Variants in SAMD3 observed in about 807,000 individuals in gnomAD.
The protein encoded by SAMD3 is sterile alpha motif domain containing 3.
SAMD3 carries 63 observed loss-of-function variants against 58.5 expected under a neutral mutation model. The ratio of observed to expected loss-of-function variants is 1.08; its 90% CI spans 0.88 to 1.33. The LOEUF is 1.33. Ranked by LOEUF, SAMD3 falls within the 40% of genes most tolerant of loss-of-function variation. The pLI is 0.00. For missense variants in SAMD3, 604 were observed against 608.4 expected, an observed-to-expected ratio of 0.99 and a Z score of 0.08; for synonymous variants, 220 against 210.3, an observed-to-expected ratio of 1.05 and a Z score of -0.40.
intron 7 of SAMD3, among the ~76,000 whole-genome samples, chr6:130,176,353 C>T (rs1270829903): frequency 2.0e-5 from 3 of 152,218 alleles, no homozygotes; most frequent in Non-Finnish European, 2.9e-5. Context: ...TCTCCACAAC[C>T]AATTCCATTT....
At chr6:130,262,719 C>T (rs1774186215) in intron 2 of SAMD3, among the ~76,000 whole-genome samples, 1 of 151,890 alleles carries the variant, frequency 6.6e-6, no homozygotes, top group South Asian at 2.1e-4. Context: ...AAATATACTT[C>T]TAGTAGTAAG....
intron 7 of SAMD3, among the ~76,000 whole-genome samples, chr6:130,179,270 C>T (rs9375709): frequency 0.66 from 99,991 of 152,152 alleles, 35,122 homozygotes; most frequent in East Asian, 0.97. Flanking sequence ...ATATGCCTGA[C>T]ACCATGAGTT....
At chr6:130,174,051 C>G (rs189318220) in intron 8 of SAMD3, among the ~76,000 whole-genome samples, 43 of 152,332 alleles carry the variant, frequency 2.8e-4, no homozygotes, top group African/African-American at 1.0e-3. Flanking sequence ...CATCCCAGGT[C>G]AACTTCAGAC....
Position 130,214,469 on chromosome 6 carries a change from A to T in SAMD3, c.137T>A (p.Leu46Gln). The T allele has an allele frequency of 6.2e-7, 1 of 1,613,194 alleles. No individual in the cohort carries two copies. Among genetic ancestry groups the T allele is most frequent in the Non-Finnish European group, 8.5e-7 (1 of 1,179,586 alleles). ...LALNDRMVQQ[L>Q]VKKIGHQAVL... ...AGCCTGGTGCCCAATTTTCTTTACCAGTTGCTGAACCATCCGATCATTAAG... is the reference window on the plus strand; with the variant it reads ...AGCCTGGTGCCCAATTTTCTTTACCTGTTGCTGAACCATCCGATCATTAAG... Residue 46 changes from leucine (L) to glutamine (Q), a missense_variant, in exon 4 of 12, where the codon CTG becomes CAG. Coordinates refer to ENST00000439090, the MANE Select transcript of SAMD3 (RefSeq NM_001017373.4).
chr6:130,250,756 G>T (rs1264252010), intron 2 of SAMD3, among the ~76,000 whole-genome samples: 1 of 152,116 alleles, frequency 6.6e-6, no homozygotes, highest in Non-Finnish European at 1.5e-5. Context: ...TCATATTATA[G>T]CATGGATAAG....
chr6:130,265,205 G>A (rs1206760141), intron 2 of SAMD3, among the ~76,000 whole-genome samples: 1 of 152,190 alleles, frequency 6.6e-6, no homozygotes, highest in African/African-American at 2.4e-5. Context: ...TGGTATCAGA[G>A]AGCCCAGTTG....
At chr6:130,273,666 A>T in intron 2 of SAMD3, among the ~76,000 whole-genome samples, 1 of 148,000 alleles carries the variant, frequency 6.8e-6, no homozygotes, top group Admixed American at 6.8e-5. Context: ...TTCTGTATGT[A>T]TTTTTGTGTG....
chr6:130,186,760 T>C (rs1793000588), intron 5 of SAMD3, among the ~76,000 whole-genome samples: 1 of 144,192 alleles, frequency 6.9e-6, no homozygotes. Context: ...TTTTGTGCCT[T>C]CCTGGGATTT....
chr6:130,277,381 G>T (rs1774812455), intron 2 of SAMD3, among the ~76,000 whole-genome samples: 1 of 152,202 alleles, frequency 6.6e-6, no homozygotes, highest in African/African-American at 2.4e-5. Context: ...AGCCTGTAAG[G>T]CTAGAAGCAA....
intron 2 of SAMD3, among the ~76,000 whole-genome samples, chr6:130,237,353 A>G (rs1398770801): frequency 6.6e-6 from 1 of 152,174 alleles, no homozygotes; most frequent in Non-Finnish European, 1.5e-5. Flanking sequence ...TCCCCTGTAT[A>G]TAATTCTTTC....
intron 1 of SAMD3, among the ~76,000 whole-genome samples, chr6:130,330,645 G>C (rs1776902985): frequency 6.6e-6 from 1 of 152,188 alleles, no homozygotes; most frequent in Admixed American, 6.5e-5. Flanking sequence ...ATACTCCTGA[G>C]CTAGAAGAAC....
intron 5 of SAMD3, among the ~76,000 whole-genome samples, chr6:130,185,781 C>A (rs930180962): frequency 1.3e-5 from 2 of 152,132 alleles, no homozygotes; most frequent in African/African-American, 4.8e-5. Context: ...CAGGCACGTG[C>A]CACCATGCCC....
intron 2 of SAMD3, among the ~76,000 whole-genome samples, chr6:130,311,138 G>A (rs1776141298): frequency 6.6e-6 from 1 of 152,124 alleles, no homozygotes; most frequent in African/African-American, 2.4e-5. Context: ...CACCTACGGA[G>A]GGGAGGAGCT....
At chr6:130,209,903 G>A (rs1795387460) in intron 4 of SAMD3, among the ~76,000 whole-genome samples, 2 of 152,192 alleles carry the variant, frequency 1.3e-5, no homozygotes, top group Admixed American at 1.3e-4. Context: ...AAATGATGGT[G>A]ATCGTAGAAT....
At position 130,207,169 on chromosome 6, in the gene SAMD3, A is replaced by AAAAAAG. The variant is rs761201989; in HGVS notation, c.383+2325_383+2326insCTTTTT. 5.0e-4 allele frequency among the ~76,000 whole-genome samples: 71 copies of AAAAAAG among 140,974 alleles called. 4 individuals are homozygous for AAAAAAG. In the Middle Eastern group the frequency reaches 0.014, roughly 29 times the overall value. The allele number at this position is 140,974 out of a possible 152,430, so 92.5% of individuals were successfully genotyped here. A position where few individuals can be genotyped will look rare whatever the true frequency, so the allele number is the denominator to read the frequency against. ...TAGACCCCATCTCATCAAAAAAAAAAAAAGAAAAAAAAGAAAAAGAAAAAA... is the reference window on the plus strand; with the variant it reads ...TAGACCCCATCTCATCAAAAAAAAAAAAAAAGAAAGAAAAAAAAGAAAAAGAAAAAA... On this transcript the variant is annotated intron_variant, in intron 5 of 11. Transcript: ENST00000439090.
intron 2 of SAMD3, among the ~76,000 whole-genome samples, chr6:130,259,228 A>G (rs1485970169): frequency 6.6e-6 from 1 of 152,170 alleles, no homozygotes; most frequent in African/African-American, 2.4e-5. Flanking sequence ...TATTTTTTAA[A>G]AAAGGTTTAT....
At chr6:130,223,052 G>C (rs1264474122), upstream of SAMD3, 1 of 152,178 alleles carries the variant, frequency 6.6e-6, no homozygotes, top group Non-Finnish European at 1.5e-5. Context: ...ATTCTGACAA[G>C]TGTGACAAAT....
At chr6:130,156,294 G>C (rs7744250) in intron 8 of SAMD3, among the ~76,000 whole-genome samples, 125,284 of 151,834 alleles carry the variant, frequency 0.83, 51,799 homozygotes, top group East Asian at 0.94. Flanking sequence ...CCACTGCACT[G>C]CAACCTGGGA....
chr6:130,338,514 T>C (rs1192616208), intron 1 of SAMD3, among the ~76,000 whole-genome samples: 1 of 152,150 alleles, frequency 6.6e-6, no homozygotes, highest in Non-Finnish European at 1.5e-5. Flanking sequence ...GCTTGCACCA[T>C]GTGCCTGGAA....
Sources: allele counts gnomAD v4.1 joint callset (sites outside exome capture counted in the v4.1 genomes callset), GRCh38; gene constraint gnomAD v4.1.1; transcripts MANE v1.5; gene names NCBI Gene and HGNC (gene_info 2026-07-23, HGNC 2026-07-21).